The following GTPBP4 variants were observed in gnomAD, a reference collection of about 807,000 sequenced individuals.
GTPBP4 encodes GTP binding protein 4, also known as GTP-binding protein 4.
Under a neutral mutation model 81.7 loss-of-function variants are expected in GTPBP4, and 15 were observed. The observed-to-expected ratio is 0.18, with a 90% confidence interval of 0.12 to 0.28. The LOEUF (loss-of-function observed/expected upper bound fraction) is 0.28. Among genes scored for constraint, GTPBP4 ranks in the 10% least tolerant of loss-of-function variants. The probability of loss-of-function intolerance (pLI) is 1.00; values close to 1 mark genes in which losing one functional copy is unlikely to be tolerated. For synonymous variants in GTPBP4, 272 were observed against 274.6 expected, an observed-to-expected ratio of 0.99 and a Z score of 0.09; for missense variants, 847 against 793.8, an observed-to-expected ratio of 1.07 and a Z score of -0.81.
intron 10 of GTPBP4, chr10:1,008,491 G>T: frequency 3.2e-6 from 1 of 310,654 alleles, no homozygotes; most frequent in Non-Finnish European, 6.3e-6. Context: ...TATGTTGTGA[G>T]GGTGGAGGTT....
At chr10:988,550 C>G (rs920818201) in intron 1 of GTPBP4, 23 bp downstream of exon 1, 1 of 1,593,170 alleles carries the variant, frequency 6.3e-7, no homozygotes, top group East Asian at 2.2e-5. Flanking sequence ...GGGAGGGCCA[C>G]TGCAACTTTC....
intron 9 of GTPBP4, among the ~76,000 whole-genome samples, chr10:1,006,691 A>T (rs989496523): frequency 5.9e-5 from 9 of 151,856 alleles, no homozygotes; most frequent in African/African-American, 1.7e-4. Flanking sequence ...ATTTAAAAAG[A>T]TGGCACTCCT....
Position 1,010,421 on chromosome 10 carries a change from G to T in GTPBP4, c.1245G>T (p.Lys415Asn), listed in dbSNP as rs1289823517. The T allele has an allele frequency of 6.7e-7, 1 of 1,500,456 alleles. No individual in the cohort carries two copies. Among genetic ancestry groups the T allele is most frequent in the African/African-American group, 1.4e-5 (1 of 72,928 alleles). 92.9% of individuals were successfully genotyped at this position (1,500,456 alleles called of 1,614,324 possible). A position where few individuals can be genotyped will look rare whatever the true frequency, so the allele number is the denominator to read the frequency against. ...MGDDYILDLQ[K>N]YWDLMNLSEK... ...TAACCACCTTTTTTTTAACTTTAGAGTACTGGGATTTAATGAATTTGTCTG... is the reference window on the plus strand; with the variant it reads ...TAACCACCTTTTTTTTAACTTTAGATTACTGGGATTTAATGAATTTGTCTG... Residue 415 changes from lysine to asparagine, a missense_variant and splice_region_variant, in exon 13 of 17, where the codon AAG becomes AAT. Lys to Asn is a moderately conservative substitution (Grantham distance 94, BLOSUM62 0). Transcript: ENST00000360803.
rs746844431 is a variant in GTPBP4 at position 999,368 on chromosome 10, G to A, written c.654+273G>A. ...ACTCCTGACTTCAGGTGATCTGCCC[G>A]CCTTGGCCTCCCAAAGTGCTAGGAT... On this transcript the variant is annotated intron_variant, in intron 6 of 16. Coordinates refer to ENST00000360803, the MANE Select transcript of GTPBP4 (RefSeq NM_012341.3). Among the ~76,000 whole-genome samples, 5 of 152,042 alleles carry A rather than the reference G, an allele frequency of 3.3e-5. No homozygotes were observed. In the East Asian group the frequency reaches 5.8e-4, roughly 18 times the overall value.
intron 10 of GTPBP4, chr10:1,008,273 C>T (rs1186197426): frequency 2.5e-5 from 10 of 394,488 alleles, no homozygotes; most frequent in Admixed American, 1.3e-4. Flanking sequence ...ATTAGTCGGG[C>T]GCGCACCTAT....
intron 4 of GTPBP4, 83 bp from the exon 5 acceptor site, chr10:997,125 G>C (rs897883186): frequency 1.2e-6 from 1 of 845,688 alleles, no homozygotes. Flanking sequence ...CCATAGGCCT[G>C]GACTGTAACT....
intron 10 of GTPBP4, chr10:1,008,465 C>T (rs537146194): frequency 2.5e-5 from 8 of 322,748 alleles, no homozygotes; most frequent in South Asian, 1.1e-4. Flanking sequence ...TAGTCTTCAC[C>T]GTGTCTTGAG....
At chr10:1,015,249 T>TA (rs1315347101) in intron 15 of GTPBP4, among the ~76,000 whole-genome samples, 7 of 152,246 alleles carry the variant, frequency 4.6e-5, no homozygotes, top group African/African-American at 1.7e-4. Flanking sequence ...GTGTCACTAA[T>TA]ATGAAAATAC....
rs17851563 is a variant in GTPBP4, at chr10:1,019,518, C to T, written c.*2291C>T. 52,942 of 1,610,176 alleles carry T rather than the reference C, an allele frequency of 0.033. 1,051 individuals carry two copies. Among genetic ancestry groups the T allele is most frequent in the Non-Finnish European group, 0.038 (44,527 of 1,177,192 alleles). ...TGGCTGACTCGACCTCCCTGCCTCTCACACTCTGTGTATTTTGTGAAGCTC... is the reference window on the plus strand; with the variant it reads ...TGGCTGACTCGACCTCCCTGCCTCTTACACTCTGTGTATTTTGTGAAGCTC... On this transcript the variant is annotated 3_prime_UTR_variant, in exon 17 of 17. Transcript: ENST00000360803.
At chr10:992,861 C>G (rs1260069686) in intron 2 of GTPBP4, among the ~76,000 whole-genome samples, 1 of 152,166 alleles carries the variant, frequency 6.6e-6, no homozygotes, top group Non-Finnish European at 1.5e-5. Flanking sequence ...CCCTAGTATT[C>G]TTTCTTTCCT....
chr10:1,004,647 T>A, intron 8 of GTPBP4, among the ~76,000 whole-genome samples: 1 of 152,120 alleles, frequency 6.6e-6, no homozygotes, highest in Admixed American at 6.5e-5. Flanking sequence ...GGAGACAACG[T>A]TCCCTGAGAG....
intron 2 of GTPBP4, 139 bp downstream of exon 2, chr10:992,798 G>C (rs1443939924): frequency 1.7e-6 from 1 of 583,552 alleles, no homozygotes; most frequent in South Asian, 2.2e-5. Flanking sequence ...TAGTGGCAAA[G>C]AACTAATTTG....
intron 8 of GTPBP4, among the ~76,000 whole-genome samples, chr10:1,003,513 AC>A (rs1831675474): frequency 6.6e-6 from 1 of 152,172 alleles, no homozygotes; most frequent in South Asian, 2.1e-4. Flanking sequence ...ATCTGGTAGA[AC>A]AGGAGCCTCT....
intron 1 of GTPBP4, among the ~76,000 whole-genome samples, chr10:991,053 G>A (rs1365951178): frequency 6.6e-6 from 1 of 151,836 alleles, no homozygotes. Context: ...GCCCAGAGGG[G>A]AGACAGTGTG....
intron 10 of GTPBP4, chr10:1,008,005 T>C: frequency 1.9e-6 from 1 of 512,934 alleles, no homozygotes; most frequent in South Asian, 1.4e-5. Context: ...CCTTTTTAAC[T>C]TCAAATGTGC....
intron 5 of GTPBP4, among the ~76,000 whole-genome samples, chr10:998,776 G>A (rs750813967): frequency 3.3e-5 from 5 of 152,202 alleles, no homozygotes; most frequent in Non-Finnish European, 7.3e-5. Flanking sequence ...AGGGTGAGGG[G>A]AGGTGGTGGC....
Position 1,017,805 on chromosome 10 carries a change from T to TG in GTPBP4, c.*583dup, listed in dbSNP as rs1445628161. 1.3e-5 allele frequency: 2 copies of TG among 152,184 alleles called. No individual in the cohort carries two copies. The highest frequency in any genetic ancestry group is 2.9e-5 in the Non-Finnish European group (2 of 68,022). The allele number at this position is 152,184 out of a possible 1,614,324, so 9.4% of individuals were successfully genotyped here. A position where few individuals can be genotyped will look rare whatever the true frequency, so the allele number is the denominator to read the frequency against. On this transcript the variant is annotated 3_prime_UTR_variant, in exon 17 of 17. Coordinates refer to ENST00000360803, the MANE Select transcript of GTPBP4 (RefSeq NM_012341.3). ...TTTTGTTTTAAAGCAAAAATACTTT[T>TG]GGGGGAGTAAAATGTTGCTGGAGGC...
intron 5 of GTPBP4, 24 bp from the exon 6 acceptor site, chr10:998,979 T>C: frequency 7.5e-7 from 1 of 1,326,718 alleles, no homozygotes. Flanking sequence ...ATGAGGTGAT[T>C]CTGAAAGTTC....
At chr10:1,002,127 C>T (rs540762227) in intron 8 of GTPBP4, among the ~76,000 whole-genome samples, 7 of 152,116 alleles carry the variant, frequency 4.6e-5, no homozygotes, top group African/African-American at 1.4e-4. Flanking sequence ...TTTACCATAC[C>T]GGCCAGGCTG....
Sources: allele counts gnomAD v4.1 joint callset (sites outside exome capture counted in the v4.1 genomes callset), GRCh38; gene constraint gnomAD v4.1.1; transcripts MANE v1.5; gene names NCBI Gene and HGNC (gene_info 2026-07-23, HGNC 2026-07-21).